Variants in DNAAF5 observed in about 807,000 individuals in gnomAD.
DNAAF5 encodes HEAT repeat containing 2.
In DNAAF5, 64 loss-of-function variants were observed where a neutral mutation model predicts 75.8. The observed-to-expected ratio is 0.84, with a 90% CI of 0.69 to 1.04. The LOEUF is 1.04. Among genes scored for constraint, DNAAF5 ranks in the 50% least tolerant of loss-of-function variants. The pLI is 0.00. For missense variants in DNAAF5, 1,269 were observed against 1,178.5 expected (o/e 1.08, Z -1.12); for synonymous variants, 657 against 557.2 (o/e 1.18, Z -2.52).
At chr7:766,121 T>C (rs528720466) in intron 8 of DNAAF5, among the ~76,000 whole-genome samples, 2 of 152,318 alleles carry the variant, frequency 1.3e-5, no homozygotes, top group South Asian at 2.1e-4. Context: ...TAAGCCACCA[T>C]GCCTGGTTTA....
intron 11 of DNAAF5, among the ~76,000 whole-genome samples, chr7:775,786 G>A (rs111611873): frequency 0.015 from 2,278 of 151,940 alleles, 66 homozygotes; most frequent in African/African-American, 0.052. Flanking sequence ...GTTGCGTTCT[G>A]CCTTAAAACA....
chr7:729,799 C>T lies in DNAAF5; in HGVS notation c.732C>T (p.Asp244=), dbSNP rs751760178. The change falls in exon 2 of 13, where the codon GAC becomes GAT. Residue 244 remains aspartate, a synonymous_variant. Coordinates refer to ENST00000297440, the MANE Select transcript of DNAAF5 (RefSeq NM_017802.4). The part of the protein sequence containing the change: ...VIHFGNGKSV[D]DVLSHFAQRL... ...ATTTTGGCAACGGGAAGTCCGTGGA[C>T]GACGTGCTTTCCCATTTTGCTCAGC... 17 of 1,614,094 alleles carry T rather than the reference C, an allele frequency of 1.1e-5. No homozygotes were observed. Among genetic ancestry groups the T allele is most frequent in the African/African-American group, 9.3e-5 (7 of 74,956 alleles).
At chr7:779,902 C>T (rs375964069) in intron 11 of DNAAF5, 51 bp from the exon 12 acceptor site, 127 of 1,514,788 alleles carry the variant, frequency 8.4e-5, no homozygotes, top group African/African-American at 7.4e-4. Flanking sequence ...GACGTTTAGA[C>T]GTGAAATGTC....
chr7:755,344 A>T (rs1782450108), intron 5 of DNAAF5, among the ~76,000 whole-genome samples: 1 of 152,114 alleles, frequency 6.6e-6, no homozygotes, highest in Admixed American at 6.5e-5. Flanking sequence ...CTGGGTACGC[A>T]CGAGGGAGTC....
chr7:738,712 A>T (rs1168923494), intron 2 of DNAAF5, among the ~76,000 whole-genome samples: 4 of 152,200 alleles, frequency 2.6e-5, no homozygotes, highest in Admixed American at 6.5e-5. Context: ...GTTTCTTATG[A>T]TACTAAGTAG....
At chr7:783,347 G>A (rs1779040917) in intron 12 of DNAAF5, among the ~76,000 whole-genome samples, 1 of 152,244 alleles carries the variant, frequency 6.6e-6, no homozygotes, top group Non-Finnish European at 1.5e-5. Context: ...TCGAGGGTGA[G>A]TGTGGCAGGG....
intron 8 of DNAAF5, among the ~76,000 whole-genome samples, chr7:767,547 C>T (rs929538558): frequency 3.3e-5 from 5 of 152,132 alleles, no homozygotes; most frequent in Admixed American, 1.3e-4. Context: ...ATGATATTTC[C>T]ATAGAAGAAA....
At position 785,616 on chromosome 7, in the gene DNAAF5, T is replaced by C. The variant is rs779482405; in HGVS notation, c.2531T>C (p.Leu844Pro). The C allele has an allele frequency of 6.2e-7, 1 of 1,613,102 alleles. No individual in the cohort carries two copies. The highest frequency in any genetic ancestry group is 8.5e-7 in the Non-Finnish European group (1 of 1,180,010). The change falls in exon 13 of 13, where the codon CTC (leucine) becomes CCC (proline). Residue 844 changes from leucine (L) to proline (P), a missense_variant. By Grantham distance (98) the Leu-to-Pro change is moderately conservative. Transcript: ENST00000297440. ...CGCTCGGCCACCTACTGCGAGCAGC[T>C]CCTGCAGCATGTGCAGGCCGTGCCA... Reference protein sequence around the residue: ...KHRSATYCEQLLQHVQAVPAT... With the variant: ...KHRSATYCEQPLQHVQAVPAT...
intron 4 of DNAAF5, among the ~76,000 whole-genome samples, chr7:747,320 A>G (rs1782148685): frequency 1.3e-5 from 2 of 152,166 alleles, no homozygotes; most frequent in Non-Finnish European, 2.9e-5. Context: ...GTTGGTGTGC[A>G]GTGTTGGCAC....
chr7:781,566 A>G (rs1329585362), intron 12 of DNAAF5, among the ~76,000 whole-genome samples: 1 of 149,432 alleles, frequency 6.7e-6, no homozygotes, highest in Admixed American at 6.7e-5. Flanking sequence ...ATGGGGCTCT[A>G]TTTTTAGTTT....
At chr7:759,606 TG>T (rs1278604810) in intron 6 of DNAAF5, among the ~76,000 whole-genome samples, 1 of 152,266 alleles carries the variant, frequency 6.6e-6, no homozygotes, top group African/African-American at 2.4e-5. Context: ...AATTATTTCC[TG>T]CTGTATCTTT....
chr7:763,857 C>G lies in DNAAF5; in HGVS notation c.1666C>G (p.Gln556Glu), dbSNP rs1322329256. Residue 556 changes from glutamine (Q) to glutamate (E), a missense_variant, in exon 8 of 13, where the codon CAG becomes GAG. Transcript: ENST00000297440. ...CATGGTGGAGGGTGTCAGCAGCTGCCAGGACCTCTACCGCAAGCACATTGG... is the reference window on the plus strand; with the variant it reads ...CATGGTGGAGGGTGTCAGCAGCTGCGAGGACCTCTACCGCAAGCACATTGG... ...LAMVEGVSSC[Q>E]DLYRKHIGPL... The G allele has an allele frequency of 6.2e-7, 1 of 1,613,342 alleles. No homozygotes were observed. The highest frequency in any genetic ancestry group is 2.2e-5 in the East Asian group (1 of 44,906).
At chr7:766,309 C>T (rs1782820272) in intron 8 of DNAAF5, among the ~76,000 whole-genome samples, 1 of 152,040 alleles carries the variant, frequency 6.6e-6, no homozygotes, top group Admixed American at 6.6e-5. Flanking sequence ...TTTTTCTAAG[C>T]TTTCTCTAAT....
At chr7:742,979 C>T (rs993209602) in intron 4 of DNAAF5, among the ~76,000 whole-genome samples, 3 of 152,256 alleles carry the variant, frequency 2.0e-5, no homozygotes, top group Non-Finnish European at 4.4e-5. Flanking sequence ...TCTCAACTTA[C>T]TTCCCATGTC....
chr7:782,657 G>A (rs1318338895), intron 12 of DNAAF5, among the ~76,000 whole-genome samples: 2 of 123,980 alleles, frequency 1.6e-5, no homozygotes, highest in African/African-American at 3.3e-5. Flanking sequence ...GTCACGCAGC[G>A]TCAGAAACTC....
chr7:783,414 G>A (rs1056529390), intron 12 of DNAAF5, among the ~76,000 whole-genome samples: 1 of 152,164 alleles, frequency 6.6e-6, no homozygotes, highest in Non-Finnish European at 1.5e-5. Context: ...TGACGGGCAG[G>A]CCGGGCATGC....
intron 7 of DNAAF5, among the ~76,000 whole-genome samples, chr7:762,204 C>T (rs999605749): frequency 2.6e-5 from 4 of 152,148 alleles, no homozygotes; most frequent in Admixed American, 6.6e-5. Flanking sequence ...GTGCACATGT[C>T]GCTGGGCGTG....
At chr7:774,400 G>A (rs1452397687) in intron 10 of DNAAF5, among the ~76,000 whole-genome samples, 2 of 152,206 alleles carry the variant, frequency 1.3e-5, no homozygotes, top group African/African-American at 4.8e-5. Context: ...CAGCAGGCGG[G>A]AGAGCGGGAG....
chr7:779,642 C>T (rs1400917784), intron 11 of DNAAF5, among the ~76,000 whole-genome samples: 1 of 151,898 alleles, frequency 6.6e-6, no homozygotes. Flanking sequence ...CACACAGCTG[C>T]GAGGAGGTGG....
Sources: allele counts gnomAD v4.1 joint callset (sites outside exome capture counted in the v4.1 genomes callset), GRCh38; gene constraint gnomAD v4.1.1; transcripts MANE v1.5; gene names NCBI Gene and HGNC (gene_info 2026-07-23, HGNC 2026-07-21).